The following DPP4 variants were observed in gnomAD, a reference collection of about 807,000 sequenced individuals.
The protein encoded by DPP4 is dipeptidyl peptidase 4.
A neutral mutation model predicts 122.4 loss-of-function variants in DPP4; 93 were observed. The ratio of observed to expected loss-of-function variants is 0.76; its 90% confidence interval spans 0.64 to 0.90. DPP4 has a LOEUF of 0.90. DPP4 is among the 40% of genes least tolerant of loss of function. DPP4 has a pLI of 0.00. For synonymous variants in DPP4, 321 were observed against 302.9 expected, an observed-to-expected ratio of 1.06 and a Z score of -0.62; for missense variants, 914 against 907.3, an observed-to-expected ratio of 1.01 and a Z score of -0.09.
chr2:162,054,587 A>G (rs184589883), intron 2 of DPP4, among the ~76,000 whole-genome samples: 32 of 152,244 alleles, frequency 2.1e-4, no homozygotes, highest in Admixed American at 1.5e-3. Flanking sequence ...AGGGCTCCCC[A>G]CTCATGAATG....
chr2:162,024,858 C>T lies in DPP4; in HGVS notation c.969G>A (p.Ser323=), dbSNP rs199679537. ...LQWLRRIQNY[S]VMDICDYDES... is the part of the protein sequence containing the mutation. ...CATCATAGTCACAAATATCCATGAC[C>T]GAATAGTTCTGAATCCTCCTGAGCC... is the stretch of plus-strand genomic sequence containing the variant. Residue 323 remains serine (S), a synonymous_variant, in exon 11 of 26, where the codon TCG becomes TCA. Transcript: ENST00000360534. The T allele has an allele frequency of 8.7e-6, 14 of 1,613,778 alleles. No homozygotes were observed. Among genetic ancestry groups the T allele is most frequent in the East Asian group, 4.5e-5 (2 of 44,886 alleles).
chr2:162,010,313 C>T (rs569784859), intron 20 of DPP4, among the ~76,000 whole-genome samples: 1 of 152,228 alleles, frequency 6.6e-6, no homozygotes, highest in South Asian at 2.1e-4. Flanking sequence ...TCCCTCTTTG[C>T]AAAGGGACAA....
chr2:162,004,142 G>A (rs141053988), intron 23 of DPP4, among the ~76,000 whole-genome samples: 34 of 152,246 alleles, frequency 2.2e-4, no homozygotes, highest in African/African-American at 6.5e-4. Context: ...GAAGGGTGCC[G>A]AACACCTGGG....
intron 11 of DPP4, among the ~76,000 whole-genome samples, chr2:162,024,222 G>A (rs535887672): frequency 3.3e-5 from 5 of 152,330 alleles, no homozygotes; most frequent in African/African-American, 9.6e-5. Context: ...AACTTTGACC[G>A]TCATCCTAGT....
intron 10 of DPP4, chr2:162,031,982 C>T (rs1046450675): frequency 6.6e-6 from 1 of 152,156 alleles, no homozygotes; most frequent in African/African-American, 2.4e-5. Context: ...GATTTTCCCC[C>T]TGAATGAATG....
chr2:162,043,803 G>C (rs1225647859), intron 5 of DPP4, among the ~76,000 whole-genome samples: 1 of 152,158 alleles, frequency 6.6e-6, no homozygotes, highest in Non-Finnish European at 1.5e-5. Context: ...TGAGGTGGGA[G>C]AATCGTTTGA....
In DPP4 at chr2:161,995,522, T is replaced by C. The variant is rs996575204; in HGVS notation, c.2053-150A>G. ...GATATTCAAGCAAATGCTGTCTCCA[T>C]GCATGGCAGAATGCACAGCATGCCC... On this transcript the variant is annotated intron_variant, in intron 23 of 25. Transcript: ENST00000360534. 4 of 675,120 alleles carry C rather than the reference T, an allele frequency of 5.9e-6. No individual in the cohort carries two copies. The Admixed American group carries it at 9.0e-5, about 15-fold the overall frequency. 41.8% of individuals were successfully genotyped at this position (675,120 alleles called of 1,614,324 possible). A position where few individuals can be genotyped will look rare whatever the true frequency, so the allele number is the denominator to read the frequency against.
intron 25 of DPP4, 92 bp from the exon 26 acceptor site, chr2:161,993,476 T>C (rs138556208): frequency 5.5e-5 from 49 of 891,920 alleles, no homozygotes; most frequent in Non-Finnish European, 7.1e-5. Context: ...CTCACGAGCA[T>C]ACATGGTATA....
chr2:162,020,161 A>T, intron 14 of DPP4, 68 bp downstream of exon 14: 1 of 1,358,172 alleles, frequency 7.4e-7, no homozygotes, highest in Admixed American at 2.2e-5. Context: ...TTTTTTCCCT[A>T]CTTCTGGGCA....
In DPP4 at chr2:162,033,862, GTATATATATATATATATA is replaced by G. The variant is rs138320647; in HGVS notation, c.775-227_775-210del. Reference sequence around the variant, plus strand: ...ATGGTCAGGCAGAAACAGAATATGTGTATATATATATATATATATATATATATATATACACACTATATA... The same window carrying G: ...ATGGTCAGGCAGAAACAGAATATGTGTATATATATATATACACACTATATA... On this transcript the variant is annotated intron_variant, in intron 9 of 25. Transcript: ENST00000360534. 1.3e-4 allele frequency among the ~76,000 whole-genome samples: 14 copies of G among 104,038 alleles called. No individual in the cohort carries two copies. In the East Asian group the frequency reaches 2.9e-3, roughly 21 times the overall value. The allele number at this position is 104,038 out of a possible 152,430, so 68.3% of individuals were successfully genotyped here. A position where few individuals can be genotyped will look rare whatever the true frequency, so the allele number is the denominator to read the frequency against.
intron 2 of DPP4, among the ~76,000 whole-genome samples, chr2:162,069,750 C>T (rs948613391): frequency 6.6e-6 from 1 of 152,176 alleles, no homozygotes; most frequent in African/African-American, 2.4e-5. Context: ...AGATCCTGGA[C>T]TTCCTCAGGC....
At chr2:162,029,761 G>C (rs989949020) in intron 10 of DPP4, among the ~76,000 whole-genome samples, 2 of 152,060 alleles carry the variant, frequency 1.3e-5, no homozygotes, top group African/African-American at 2.4e-5. Flanking sequence ...AACAGATGTT[G>C]GGTGGGGTTA....
Position 161,995,321 on chromosome 2 carries a change from G to C in DPP4, c.2104C>G (p.Leu702Val). Residue 702 changes from leucine to valine, a missense_variant, in exon 24 of 26, where the codon CTT (leucine) becomes GTT (valine). Physicochemically the swap from Leu to Val is conservative, Grantham distance 32. Transcript: ENST00000360534. Reference sequence around the variant, plus strand: ...TCACCATCTGCTGTTCCATGAATAAGGAGGTACTCAACTTGTTTAAAATTT... The same window carrying C: ...TCACCATCTGCTGTTCCATGAATAACGAGGTACTCAACTTGTTTAAAATTT... ...AENFKQVEYL[L>V]IHGTADDNVH... The C allele has an allele frequency of 1.2e-6, 2 of 1,613,990 alleles. No individual in the cohort carries two copies. Among genetic ancestry groups the C allele is most frequent in the Non-Finnish European group, 1.7e-6 (2 of 1,179,896 alleles).
chr2:162,039,108 A>G, intron 6 of DPP4, 24 bp downstream of exon 6: 1 of 1,612,400 alleles, frequency 6.2e-7, no homozygotes, highest in Non-Finnish European at 8.5e-7. Flanking sequence ...AAAGCCTAAT[A>G]GATTTTATTG....
intron 4 of DPP4, among the ~76,000 whole-genome samples, chr2:162,046,177 T>G (rs562949726): frequency 1.3e-5 from 2 of 151,738 alleles, no homozygotes; most frequent in South Asian, 4.2e-4. Context: ...AGCCTAGATA[T>G]GGGGAGTGCA....
chr2:162,059,028 A>G (rs1222669538), intron 2 of DPP4, among the ~76,000 whole-genome samples: 1 of 152,252 alleles, frequency 6.6e-6, no homozygotes, highest in Non-Finnish European at 1.5e-5. Context: ...TGGGCAGAAT[A>G]TGTATGTCTC....
intron 19 of DPP4, among the ~76,000 whole-genome samples, chr2:162,013,782 A>T (rs1258450104): frequency 1.3e-5 from 2 of 152,226 alleles, no homozygotes; most frequent in Non-Finnish European, 2.9e-5. Context: ...GGGCAATTTT[A>T]GAAAAATTAA....
At chr2:162,060,819 A>AT (rs1321154608) in intron 2 of DPP4, among the ~76,000 whole-genome samples, 77 of 151,994 alleles carry the variant, frequency 5.1e-4, no homozygotes, top group East Asian at 1.9e-4. Flanking sequence ...TTCCCAAGGG[A>AT]TTTTTTTAAA....
At chr2:162,020,978 TG>T (rs1683105504) in intron 12 of DPP4, among the ~76,000 whole-genome samples, 1 of 152,312 alleles carries the variant, frequency 6.6e-6, no homozygotes, top group East Asian at 1.9e-4. Flanking sequence ...CTTTTCTCTA[TG>T]GATGATAACT....
Sources: allele counts gnomAD v4.1 joint callset (sites outside exome capture counted in the v4.1 genomes callset), GRCh38; gene constraint gnomAD v4.1.1; transcripts MANE v1.5; gene names NCBI Gene and HGNC (gene_info 2026-07-23, HGNC 2026-07-21).